The following NSD1 variants were observed in gnomAD, a reference collection of about 807,000 sequenced individuals.
NSD1 encodes the protein histone-lysine N-methyltransferase, H3 lysine-36 specific.
In NSD1, 26 loss-of-function variants were observed where a neutral mutation model predicts 242.7. The observed-to-expected ratio is 0.11, with a 90% confidence interval of 0.08 to 0.15. The LOEUF is 0.15. NSD1 is among the 10% of genes least tolerant of loss of function. The pLI is 1.00. For missense variants in NSD1, 2,495 were observed against 3,272.8 expected (o/e 0.76, Z 5.80); for synonymous variants, 1,106 against 1,178.1 (o/e 0.94, Z 1.25).
intron 5 of NSD1, among the ~76,000 whole-genome samples, chr5:177,222,101 G>A (rs953856917): frequency 1.8e-4 from 27 of 151,420 alleles, no homozygotes; most frequent in African/African-American, 4.4e-4. Context: ...GTGAGCCATC[G>A]CACCCGGCCC....
Position 177,207,503 on chromosome 5 carries a change from C to T in NSD1, c.1237-2133C>T, listed in dbSNP as rs1034346572. ...TTCACCATGTTAGCCAGGATGGTCT[C>T]GATCTCCTGACCTTGTGATCTGCCC... is the stretch of plus-strand genomic sequence containing the variant. On this transcript the variant is annotated intron_variant, in intron 4 of 22. Transcript: ENST00000439151. Among the ~76,000 whole-genome samples the T allele has an allele frequency of 6.7e-5, 10 of 149,726 alleles. No individual in the cohort carries two copies. In the South Asian group the frequency reaches 1.3e-3, roughly 19 times the overall value.
intron 5 of NSD1, among the ~76,000 whole-genome samples, chr5:177,234,124 A>G (rs1024199423): frequency 6.6e-6 from 1 of 152,246 alleles, no homozygotes; most frequent in African/African-American, 2.4e-5. Flanking sequence ...CAGTAAAGTG[A>G]GAAAAATGTG....
intron 2 of NSD1, among the ~76,000 whole-genome samples, chr5:177,180,104 T>TA (rs1480194918): frequency 6.6e-6 from 1 of 151,308 alleles, no homozygotes; most frequent in African/African-American, 2.4e-5. Flanking sequence ...TTTATTTATT[T>TA]TTTTTTTTGA....
At chr5:177,184,932 A>G (rs983731572) in intron 2 of NSD1, among the ~76,000 whole-genome samples, 6 of 152,214 alleles carry the variant, frequency 3.9e-5, no homozygotes, top group African/African-American at 1.4e-4. Context: ...GAAAAGTTTT[A>G]GTAGGCTTTG....
Position 177,210,768 on chromosome 5 carries a change from T to G in NSD1, c.2369T>G (p.Ile790Arg). The change falls in exon 5 of 23, where the codon ATA becomes AGA. Residue 790 changes from isoleucine (I) to arginine (R), a missense_variant. Physicochemically the swap from Ile to Arg is moderately conservative, Grantham distance 97. Coordinates refer to ENST00000439151, the MANE Select transcript of NSD1 (RefSeq NM_022455.5). ...AGCAAACAGCCCAAGTTCCGAAGTA[T>G]AAAGTGCAAACACAAAGAAAATCCA... ...SKSKQPKFRS[I>R]KCKHKENPVM... is the part of the protein sequence containing the mutation. The G allele has an allele frequency of 6.2e-7, 1 of 1,614,178 alleles. No homozygotes were observed. Among genetic ancestry groups the G allele is most frequent in the Non-Finnish European group, 8.5e-7 (1 of 1,180,028 alleles).
chr5:177,162,687 T>C (rs973667703), intron 2 of NSD1, among the ~76,000 whole-genome samples: 1 of 152,076 alleles, frequency 6.6e-6, no homozygotes, highest in African/African-American at 2.4e-5. Context: ...TTGCCCATTA[T>C]AGCTTTTTTG....
At chr5:177,147,443 C>T (rs1757346583) in intron 2 of NSD1, among the ~76,000 whole-genome samples, 2 of 152,072 alleles carry the variant, frequency 1.3e-5, no homozygotes, top group African/African-American at 2.4e-5. Flanking sequence ...AGTTACTAAA[C>T]TTTTTTTCCT....
Position 177,211,799 on chromosome 5 carries a change from G to A in NSD1, c.3400G>A (p.Gly1134Ser). The change falls in exon 5 of 23, where the codon GGC (glycine) becomes AGC (serine). Residue 1134 changes from glycine (G) to serine (S), a missense_variant. Transcript: ENST00000439151. ...EKGLSFENGKGPELDSVMNSE... is the reference protein window; with the variant it reads ...EKGLSFENGKSPELDSVMNSE... ...AGGACTCTCTTTTGAAAACGGAAAA[G>A]GCCCAGAGCTGGACTCTGTAATGAA... The A allele has an allele frequency of 1.2e-6, 2 of 1,614,152 alleles. No individual in the cohort carries two copies. The highest frequency in any genetic ancestry group is 1.7e-6 in the Non-Finnish European group (2 of 1,180,036).
At chr5:177,285,243 C>G (rs1399571090) in intron 20 of NSD1, among the ~76,000 whole-genome samples, 1 of 152,052 alleles carries the variant, frequency 6.6e-6, no homozygotes, top group African/African-American at 2.4e-5. Flanking sequence ...GCATGTAACA[C>G]CCTCCAAATT....
At chr5:177,145,926 A>T (rs1471790317) in intron 2 of NSD1, among the ~76,000 whole-genome samples, 1 of 150,172 alleles carries the variant, frequency 6.7e-6, no homozygotes, top group African/African-American at 2.5e-5. Flanking sequence ...AAAAAAAAAA[A>T]TCAGGAAATT....
At chr5:177,258,541 G>GT (rs571615982) in intron 13 of NSD1, among the ~76,000 whole-genome samples, 3,673 of 143,712 alleles carry the variant, frequency 0.026, 59 homozygotes, top group South Asian at 0.056. Flanking sequence ...GTTTGTTGTT[G>GT]TTTTTTTTTT....
chr5:177,235,690 C>T, intron 5 of NSD1, 131 bp from the exon 6 acceptor site: 1 of 1,219,852 alleles, frequency 8.2e-7, no homozygotes, highest in Non-Finnish European at 1.2e-6. Context: ...CCTCTTGCAT[C>T]TTAAGCCATA....
chr5:177,152,198 A>G (rs1437362923), intron 2 of NSD1, among the ~76,000 whole-genome samples: 1 of 151,050 alleles, frequency 6.6e-6, no homozygotes, highest in Non-Finnish European at 1.5e-5. Context: ...TAGGGATGGG[A>G]TGGCACTATG....
intron 2 of NSD1, among the ~76,000 whole-genome samples, chr5:177,150,029 C>G (rs868510669): frequency 6.6e-6 from 1 of 152,238 alleles, no homozygotes; most frequent in Middle Eastern, 3.4e-3. Context: ...CTCTGCCTCC[C>G]AAGTTCAAGT....
In NSD1 at chr5:177,246,658, C is replaced by G. The variant is rs373593240; in HGVS notation, c.4379-20C>G. 9 of 1,541,478 alleles carry G rather than the reference C, an allele frequency of 5.8e-6. No individual in the cohort carries two copies. In the African/African-American group the frequency reaches 1.1e-4, roughly 19 times the overall value. On this transcript the variant is annotated intron_variant, in intron 9 of 22. Coordinates refer to ENST00000439151, the MANE Select transcript of NSD1 (RefSeq NM_022455.5). ...ATGTGTGTTAGTAGCCAGCAGTTAA[C>G]ACCTATTTTCCTGTCATAGGCACTA...
At chr5:177,207,622 T>A (rs987056998) in intron 4 of NSD1, among the ~76,000 whole-genome samples, 152 of 145,014 alleles carry the variant, frequency 1.0e-3, no homozygotes, top group Middle Eastern at 3.6e-3. Flanking sequence ...TTTTTTTTTT[T>A]AGAGAAGGGG....
At chr5:177,290,584 T>A (rs1345777484) in intron 21 of NSD1, among the ~76,000 whole-genome samples, 1 of 151,660 alleles carries the variant, frequency 6.6e-6, no homozygotes, top group Non-Finnish European at 1.5e-5. Context: ...ATTTTTTGTA[T>A]TTTTAGTGGA....
At chr5:177,254,050 C>A (rs1756223173) in intron 12 of NSD1, among the ~76,000 whole-genome samples, 1 of 152,138 alleles carries the variant, frequency 6.6e-6, no homozygotes, top group East Asian at 1.9e-4. Flanking sequence ...TGGGTTCAAG[C>A]AAGTCTCCTG....
In NSD1 at chr5:177,265,687, G is replaced by A. The variant is rs368731370; in HGVS notation, c.5147-1875G>A. On this transcript the variant is annotated intron_variant, in intron 14 of 22. Transcript: ENST00000439151. ...CGTTGGGCCGCATGCCGATGGTGCC[G>A]AAGATCTCCTCGCCCGTCTTCAAGG... 991 of 1,609,464 alleles carry A rather than the reference G, an allele frequency of 6.2e-4. 9 individuals carry two copies. In the African/African-American group the frequency reaches 0.012, roughly 19 times the overall value.
Sources: allele counts gnomAD v4.1 joint callset (sites outside exome capture counted in the v4.1 genomes callset), GRCh38; gene constraint gnomAD v4.1.1; transcripts MANE v1.5; gene names NCBI Gene and HGNC (gene_info 2026-07-23, HGNC 2026-07-21).